WDR27: variants seen among roughly 807,000 people sequenced by gnomAD.
WDR27 encodes the protein WD repeat-containing protein 27.
A neutral mutation model predicts 114.4 loss-of-function variants in WDR27; 100 were observed. That is an observed-to-expected ratio of 0.87 (90% CI 0.74 to 1.03). WDR27 has a LOEUF of 1.03. WDR27 is among the 50% of genes least tolerant of loss of function. The pLI is 0.00. For missense variants in WDR27, 1,129 were observed against 1,092.9 expected, an observed-to-expected ratio of 1.03 and a Z score of -0.47; for synonymous variants, 449 against 423.1, an observed-to-expected ratio of 1.06 and a Z score of -0.75.
intron 22 of WDR27, among the ~76,000 whole-genome samples, chr6:169,606,654 T>C (rs1809256315): frequency 1.3e-5 from 2 of 152,226 alleles, no homozygotes; most frequent in African/African-American, 4.8e-5. Flanking sequence ...TATTCCTTTT[T>C]ATGGTTGCCT....
rs760983011 is a variant in WDR27, at chr6:169,643,716, C to T, written c.1728G>A (p.Gly576=). The T allele has an allele frequency of 1.2e-6, 2 of 1,613,480 alleles. No homozygotes were observed. Among genetic ancestry groups the T allele is most frequent in the Admixed American group, 1.7e-5 (1 of 59,996 alleles). The change falls in exon 17 of 26, where the codon GGG becomes GGA. Residue 576 remains glycine, a synonymous_variant. Coordinates refer to ENST00000448612, the MANE Select transcript of WDR27 (RefSeq NM_182552.5). Reference sequence around the variant, plus strand: ...TTTTACCTGAAAACACAGCAGGTGTCCCAGTCAGGCTGGCATCAAAAACGA... The same window carrying T: ...TTTTACCTGAAAACACAGCAGGTGTTCCAGTCAGGCTGGCATCAAAAACGA... The part of the protein sequence containing the change: ...LLLVFDASLT[G]TPAVFSGHDG...
intron 17 of WDR27, among the ~76,000 whole-genome samples, chr6:169,641,704 G>C (rs112120311): frequency 6.6e-6 from 1 of 152,180 alleles, no homozygotes. Context: ...CAGGAGAGAT[G>C]CGCATCTTCA....
chr6:169,584,911 T>C (rs1022453484), intron 23 of WDR27, among the ~76,000 whole-genome samples: 1 of 152,192 alleles, frequency 6.6e-6, no homozygotes, highest in African/African-American at 2.4e-5. Context: ...TTTAAGATTA[T>C]ATTACAAAGC....
At chr6:169,469,361 G>A (rs1475506036) in intron 25 of WDR27, among the ~76,000 whole-genome samples, 2 of 152,230 alleles carry the variant, frequency 1.3e-5, no homozygotes, top group Non-Finnish European at 2.9e-5. Context: ...CAGGAAAGAA[G>A]GAAGGGGTGA....
chr6:169,661,059 T>A (rs112597492), intron 9 of WDR27, among the ~76,000 whole-genome samples: 3 of 150,446 alleles, frequency 2.0e-5, no homozygotes, highest in African/African-American at 7.5e-5. Flanking sequence ...TCCGCAGGAG[T>A]GGAGAGCGTG....
the WDR27 span, among the ~76,000 whole-genome samples, chr6:169,438,437 C>T: frequency 7.2e-4 from 110 of 152,100 alleles, 2 homozygotes; most frequent in Middle Eastern, 3.4e-3. Flanking sequence ...TGGGGTTTCA[C>T]CATATTAGCC....
chr6:169,531,370 A>C (rs1795570056), intron 25 of WDR27, among the ~76,000 whole-genome samples: 1 of 152,240 alleles, frequency 6.6e-6, no homozygotes, highest in South Asian at 2.1e-4. Context: ...ATTATATCTT[A>C]ATCCCGTGGA....
chr6:169,639,477 A>C (rs1818618090), intron 17 of WDR27, among the ~76,000 whole-genome samples: 1 of 150,242 alleles, frequency 6.7e-6, no homozygotes, highest in Admixed American at 6.6e-5. Context: ...AAAAAAGTGA[A>C]AAAAAAAAAT....
At chr6:169,551,087 A>G (rs1798033343) in intron 25 of WDR27, among the ~76,000 whole-genome samples, 1 of 152,226 alleles carries the variant, frequency 6.6e-6, no homozygotes, top group Non-Finnish European at 1.5e-5. Flanking sequence ...GGAAAAATAA[A>G]TGAGGAAAAA....
rs376511709 is a variant in WDR27, at chr6:169,647,522, C to T, written c.1657+251G>A. On this transcript the variant is annotated intron_variant, in intron 16 of 25. Transcript: ENST00000448612. The stretch of plus-strand genomic sequence containing the variant: ...GGAGCTGGACACAGAACAGCAAATT[C>T]GCTGCTAGTGAGTGAGTGCCAGTGT... 14 of 576,028 alleles carry T rather than the reference C, an allele frequency of 2.4e-5. No individual in the cohort carries two copies. The African/African-American group carries it at 2.7e-4, about 11-fold the overall frequency. The allele number at this position is 576,028 out of a possible 1,614,324, so 35.7% of individuals were successfully genotyped here. A position where few individuals can be genotyped will look rare whatever the true frequency, so the allele number is the denominator to read the frequency against.
chr6:169,685,468 T>A (rs1358724563), intron 2 of WDR27, among the ~76,000 whole-genome samples: 1 of 152,002 alleles, frequency 6.6e-6, no homozygotes, highest in Non-Finnish European at 1.5e-5. Flanking sequence ...AAACAACTCA[T>A]GATATGAATG....
At chr6:169,434,432 G>A in the WDR27 span, among the ~76,000 whole-genome samples, 2 of 152,084 alleles carry the variant, frequency 1.3e-5, no homozygotes, top group African/African-American at 2.4e-5. Context: ...CTGCTCCATT[G>A]GTCTATATAT....
chr6:169,498,712 G>T (rs1048942178), intron 25 of WDR27, among the ~76,000 whole-genome samples: 1 of 152,308 alleles, frequency 6.6e-6, no homozygotes. Flanking sequence ...GACGTGAAGT[G>T]AAAATAGCCC....
chr6:169,645,062 A>AAAG (rs1409557279), intron 16 of WDR27, among the ~76,000 whole-genome samples: 2 of 137,768 alleles, frequency 1.5e-5, no homozygotes, highest in African/African-American at 2.8e-5. Flanking sequence ...AAAAAAAGAA[A>AAAG]ATCCTAGTTC....
chr6:169,665,185 G>C (rs1452395378), intron 7 of WDR27: 5 of 1,128,010 alleles, frequency 4.4e-6, no homozygotes, highest in Non-Finnish European at 5.4e-6. Context: ...TCTGCTCACA[G>C]CCCTCTTCTC....
intron 25 of WDR27, among the ~76,000 whole-genome samples, chr6:169,540,913 T>C (rs1351221535): frequency 1.3e-5 from 2 of 152,192 alleles, no homozygotes; most frequent in Admixed American, 1.3e-4. Context: ...AACCCTCATT[T>C]TATTGGTGTA....
intron 24 of WDR27, among the ~76,000 whole-genome samples, chr6:169,573,963 T>C (rs1038232392): frequency 1.3e-5 from 2 of 152,280 alleles, no homozygotes; most frequent in Non-Finnish European, 1.5e-5. Context: ...AATTTAACTA[T>C]GGAGCTTCTT....
chr6:169,658,344 G>T lies in WDR27; in HGVS notation c.1334C>A (p.Pro445Gln). ...AATTCCCAGATACAGTGGAGAGGTC[G>T]GTAGGACACAGGAGCTGAAACAGAA... Reference protein sequence around the residue: ...LSVPASSCVLPTSPLYLGIAK... With the variant: ...LSVPASSCVLQTSPLYLGIAK... Residue 445 changes from proline to glutamine, a missense_variant, in exon 13 of 26, where the codon CCG becomes CAG. Transcript: ENST00000448612. 3 of 1,597,550 alleles carry T rather than the reference G, an allele frequency of 1.9e-6. No homozygotes were observed. The highest frequency in any genetic ancestry group is 4.5e-5 in the East Asian group (2 of 44,370).
intron 12 of WDR27, 93 bp downstream of exon 12, chr6:169,658,993 C>T (rs1825157520): frequency 1.0e-5 from 15 of 1,451,420 alleles, no homozygotes; most frequent in Non-Finnish European, 1.4e-5. Context: ...GGCCAGAGCT[C>T]AGAGTTTTCT....
Sources: gnomAD v4.1 joint callset for allele counts (sites outside exome capture counted in the v4.1 genomes callset) on GRCh38, gnomAD v4.1.1 for gene constraint, MANE v1.5 for transcripts, NCBI Gene and HGNC (gene_info 2026-07-23, HGNC 2026-07-21) for gene names.